The following REPS2 variants were observed in gnomAD, a reference collection of about 807,000 sequenced individuals.
REPS2 encodes the protein RALBP1 associated Eps domain containing 2.
In REPS2, 23 loss-of-function variants were observed where a neutral mutation model predicts 53.6. That is an observed-to-expected ratio of 0.43 (90% CI 0.31 to 0.61). The LOEUF (loss-of-function observed/expected upper bound fraction) is 0.61, where lower values mean the gene tolerates loss of function less well. REPS2 is among the 20% of genes least tolerant of loss of function. REPS2 has a pLI of 0.11. For missense variants in REPS2, 446 were observed against 534.9 expected (o/e 0.83, Z 1.64); for synonymous variants, 238 against 218.6 (o/e 1.09, Z -0.78).
intron 8 of REPS2, among the ~76,000 whole-genome samples, chrX:17,056,308 T>G (rs1045454593): frequency 9.8e-5 from 11 of 112,326 alleles, no homozygotes; most frequent in African/African-American, 3.2e-4. Context: ...TAGAGCCAAG[T>G]GTTAACTTGG....
chrX:16,966,779 A>G (rs930135902), intron 1 of REPS2, among the ~76,000 whole-genome samples: 2 of 112,603 alleles, frequency 1.8e-5, no homozygotes, highest in African/African-American at 6.5e-5. Flanking sequence ...GTCAGTATAG[A>G]TATCTTGCTA....
chrX:17,100,097 A>C, intron 13 of REPS2: 87 of 1,011,310 alleles, frequency 8.6e-5, no homozygotes, highest in Non-Finnish European at 1.1e-4. Context: ...TGTCTATCTC[A>C]TGTGCTGTTT....
chrX:17,106,586 T>C (rs750138767), intron 14 of REPS2, among the ~76,000 whole-genome samples: 6 of 109,560 alleles, frequency 5.5e-5, no homozygotes, highest in Admixed American at 9.8e-5. Context: ...GTTAATTTTC[T>C]GTATTTTTTA....
intron 4 of REPS2, among the ~76,000 whole-genome samples, chrX:17,025,986 C>T (rs2061639617): frequency 1.8e-5 from 2 of 111,869 alleles, no homozygotes; most frequent in Admixed American, 1.9e-4. Context: ...CCAGTTTCTG[C>T]AGGTTTTTAC....
At chrX:17,073,936 C>T (rs1185427064) in intron 11 of REPS2, among the ~76,000 whole-genome samples, 178 bp from the exon 12 acceptor site, 3 of 109,833 alleles carry the variant, frequency 2.7e-5, no homozygotes, top group African/African-American at 1.0e-4. Flanking sequence ...TCCTTTTAAT[C>T]GTTTCTTTAG....
chrX:17,056,627 G>A (rs191708628), intron 8 of REPS2, among the ~76,000 whole-genome samples: 1,450 of 110,175 alleles, frequency 0.013, 7 homozygotes, highest in Non-Finnish European at 0.021. Flanking sequence ...CCCGGGAGGC[G>A]GAGCTTGCAG....
chrX:17,173,029 G>C, the REPS2 span, among the ~76,000 whole-genome samples: 1 of 109,650 alleles, frequency 9.1e-6, no homozygotes, highest in South Asian at 3.9e-4. Context: ...TATAATCTGA[G>C]CTTTGTAATT....
the REPS2 span, among the ~76,000 whole-genome samples, chrX:17,159,014 TAAATA>T: frequency 1.1e-4 from 12 of 112,428 alleles, no homozygotes; most frequent in Admixed American, 8.5e-4. Context: ...GTTTAGGTCT[TAAATA>T]AAACTTTCTT....
intron 1 of REPS2, among the ~76,000 whole-genome samples, chrX:16,956,606 C>T (rs757608523): frequency 3.1e-4 from 35 of 112,114 alleles, no homozygotes; most frequent in Non-Finnish European, 5.4e-4. Context: ...TGTGGTCCCT[C>T]CTCCTCCAGT....
chrX:17,135,560 C>A, intron 16 of REPS2, 154 bp downstream of exon 16: 1 of 655,514 alleles, frequency 1.5e-6, no homozygotes, highest in Non-Finnish European at 2.3e-6. Flanking sequence ...TCAAGTCTCC[C>A]AGTCACATAG....
At chrX:17,092,226 A>G (rs372227287) in intron 13 of REPS2, among the ~76,000 whole-genome samples, 1 of 111,928 alleles carries the variant, frequency 8.9e-6, no homozygotes, top group African/African-American at 3.3e-5. Context: ...CTATGTAAAA[A>G]TCTGAAGGAA....
At position 17,054,864 on chromosome X, in the gene REPS2, C is replaced by T. The variant is rs1386619708; in HGVS notation, c.1028C>T (p.Ala343Val). 2 of 1,211,194 alleles carry T rather than the reference C, an allele frequency of 1.7e-6. No homozygotes were observed. Among genetic ancestry groups the T allele is most frequent in the South Asian group, 1.8e-5 (1 of 56,987 alleles). Residue 343 changes from alanine (A) to valine (V), a missense_variant, in exon 8 of 18, where the codon GCG becomes GTG. By Grantham distance (64) the Ala-to-Val change is moderately conservative (BLOSUM62 0). Coordinates refer to ENST00000357277, the MANE Select transcript of REPS2 (RefSeq NM_004726.3). Reference sequence around the variant, plus strand: ...CTGACCCTGCCTGAGTTCTGTGCTGCGTTTCATCTCATTGTGGCTCGGAAG... The same window carrying T: ...CTGACCCTGCCTGAGTTCTGTGCTGTGTTTCATCTCATTGTGGCTCGGAAG... Reference protein sequence around the residue: ...GALTLPEFCAAFHLIVARKNG... With the variant: ...GALTLPEFCAVFHLIVARKNG...
At chrX:17,129,573 C>T (rs147392148) in intron 14 of REPS2, among the ~76,000 whole-genome samples, 192 of 112,103 alleles carry the variant, frequency 1.7e-3, no homozygotes, top group African/African-American at 5.9e-3. Flanking sequence ...TGTTACCAGA[C>T]ATAGAGCTGG....
chrX:17,121,930 A>G (rs1414499516), intron 14 of REPS2, among the ~76,000 whole-genome samples: 2 of 111,401 alleles, frequency 1.8e-5, no homozygotes, highest in East Asian at 5.7e-4. Flanking sequence ...TTTGTATTTT[A>G]GTAGAGATGG....
At chrX:17,043,153 C>G (rs776925034) in intron 5 of REPS2, among the ~76,000 whole-genome samples, 65 of 110,863 alleles carry the variant, frequency 5.9e-4, no homozygotes, top group African/African-American at 2.0e-3. Flanking sequence ...CAATTTCAAG[C>G]ATACAGCGAG....
Position 17,138,432 on chromosome X carries a change from TG to T in REPS2, c.1809-423del, listed in dbSNP as rs536217514. ...TCTGGCTAAGTTAATGTAGAATTTT[TG>T]CTAAAAATAATGTTCTTGTATTATT... On this transcript the variant is annotated intron_variant, in intron 16 of 17. Transcript: ENST00000357277. 174 of 115,435 alleles carry T rather than the reference TG, an allele frequency of 1.5e-3. 4 individuals carry two copies. The South Asian group carries it at 0.056, about 37-fold the overall frequency. 9.5% of individuals were successfully genotyped at this position (115,435 alleles called of 1,213,427 possible).
intron 1 of REPS2, among the ~76,000 whole-genome samples, chrX:16,960,890 TAATG>T (rs1285623273): frequency 8.9e-6 from 1 of 112,252 alleles, no homozygotes; most frequent in Non-Finnish European, 1.9e-5. Context: ...GGAATACATT[TAATG>T]AAGGAAGTGA....
chrX:17,110,112 G>A (rs950747361), intron 14 of REPS2, among the ~76,000 whole-genome samples: 1 of 111,370 alleles, frequency 9.0e-6, no homozygotes, highest in African/African-American at 3.3e-5. Flanking sequence ...TGGGGCAGGG[G>A]AAGGAATTCC....
chrX:17,194,583 G>A, the REPS2 span, among the ~76,000 whole-genome samples: 3 of 111,770 alleles, frequency 2.7e-5, no homozygotes, highest in Non-Finnish European at 3.8e-5. Context: ...AGGATGGGAA[G>A]ATGGCTGGGA....
Sources: allele counts gnomAD v4.1 joint callset (sites outside exome capture counted in the v4.1 genomes callset), GRCh38; gene constraint gnomAD v4.1.1; transcripts MANE v1.5; gene names NCBI Gene and HGNC (gene_info 2026-07-23, HGNC 2026-07-21).